RYR1: variants seen among roughly 807,000 people sequenced by gnomAD.
RYR1 encodes ryanodine receptor 1.
Under a neutral mutation model 583.5 loss-of-function variants are expected in RYR1, and 342 were observed. The ratio of observed to expected loss-of-function variants is 0.59; its 90% confidence interval spans 0.54 to 0.64. The LOEUF is 0.64. RYR1 is among the 30% of genes least tolerant of loss of function. The pLI, the probability that RYR1 is intolerant of heterozygous loss-of-function variation, is 0.00. For missense variants in RYR1, 6,032 were observed against 6,917.2 expected (o/e 0.87, Z 4.54); for synonymous variants, 2,791 against 2,822.5 (o/e 0.99, Z 0.35).
Position 38,448,408 on chromosome 19 carries a change from C to T in RYR1, c.854C>T (p.Thr285Ile). The change falls in exon 10 of 106, where the codon ACT (threonine) becomes ATT (isoleucine). Residue 285 changes from threonine (T) to isoleucine (I), a missense_variant. Transcript: ENST00000359596. The stretch of plus-strand genomic sequence containing the variant: ...CAGCCACTCCGAGTCCGGCATGTCA[C>T]TACCGGGCAGTACCTAGCGCTCACC... ...WGQPLRVRHVTTGQYLALTED... is the reference protein window; with the variant it reads ...WGQPLRVRHVITGQYLALTED... 1.2e-6 allele frequency: 2 copies of T among 1,613,108 alleles called. No homozygotes were observed. The highest frequency in any genetic ancestry group is 1.3e-5 in the African/African-American group (1 of 75,068).
intron 78 of RYR1, 135 bp downstream of exon 78, chr19:38,532,871 C>T (rs1971804238): frequency 1.2e-6 from 1 of 839,142 alleles, no homozygotes; most frequent in Admixed American, 2.1e-5. Context: ...ACTGGGGAGA[C>T]AGATACACCC....
intron 89 of RYR1, among the ~76,000 whole-genome samples, chr19:38,560,489 G>T (rs898115947): frequency 6.6e-6 from 1 of 152,108 alleles, no homozygotes; most frequent in Non-Finnish European, 1.5e-5. Flanking sequence ...TGCACTTTGG[G>T]AGGCCGAGGC....
Position 38,543,761 on chromosome 19 carries a change from T to C in RYR1, c.11908-10T>C. 1 of 1,612,554 alleles carries C rather than the reference T, an allele frequency of 6.2e-7. No homozygotes were observed. Among genetic ancestry groups the C allele is most frequent in the Non-Finnish European group, 8.5e-7 (1 of 1,180,002 alleles). On this transcript the variant is annotated splice_polypyrimidine_tract_variant and intron_variant, in intron 86 of 105. Coordinates refer to ENST00000359596, the MANE Select transcript of RYR1 (RefSeq NM_000540.3). This position sits in a 1 kb window ranked among gnomAD's most constrained non-coding sequence, Gnocchi z 4.4. The stretch of plus-strand genomic sequence containing the variant: ...TTCCCTTCCCCCCCACACGGCACTC[T>C]GCCTCCCAGGGTCCCTGCACCGGGA...
Position 38,561,337 on chromosome 19 carries a change from C to T in RYR1, c.12507C>T (p.Ile4169=), listed in dbSNP as rs747307874. The change falls in exon 90 of 106, where the codon ATC becomes ATT. Residue 4169 remains isoleucine, a synonymous_variant. Transcript: ENST00000359596. The surrounding 1 kb of genome is among the most constrained non-coding windows in gnomAD (Gnocchi z 4.8). ...LHNFLELAES[I]LEYFRPYLGR... ...ACTTCCTGGAGCTGGCCGAGAGCAT[C>T]CTTGAGTACTTCCGCCCCTACCTGG... 4 of 1,613,912 alleles carry T rather than the reference C, an allele frequency of 2.5e-6. No homozygotes were observed. The highest frequency in any genetic ancestry group is 1.7e-5 in the Admixed American group (1 of 60,004).
In RYR1 at chr19:38,523,930, G is replaced by T; in HGVS notation, c.10455+1G>T. 2 of 1,613,920 alleles carry T rather than the reference G, an allele frequency of 1.2e-6. No homozygotes were observed. Among genetic ancestry groups the T allele is most frequent in the South Asian group, 1.1e-5 (1 of 91,070 alleles). On this transcript the variant is annotated splice_donor_variant, in intron 70 of 105. Transcript: ENST00000359596. LOFTEE classifies it high-confidence loss of function. ...GGTGAAGCAGGCGGGAGATATACAG[G>T]TCAGCCCCACATCTGGGACCTTCCG...
intron 96 of RYR1, 146 bp downstream of exon 96, chr19:38,573,453 G>A (rs932029234): frequency 3.1e-5 from 32 of 1,046,946 alleles, no homozygotes; most frequent in African/African-American, 2.7e-4. Context: ...AGGCTAAGGC[G>A]GGCGGATCAC....
At position 38,503,072 on chromosome 19, in the gene RYR1, A is replaced by G. The variant is rs1600838813; in HGVS notation, c.7926+102A>G. The G allele has an allele frequency of 3.6e-6, 4 of 1,123,432 alleles. No individual in the cohort carries two copies. The East Asian group carries it at 9.8e-5, about 27-fold the overall frequency. The allele number at this position is 1,123,432 out of a possible 1,614,324, so 69.6% of individuals were successfully genotyped here. On this transcript the variant is annotated intron_variant, in intron 49 of 105. Coordinates refer to ENST00000359596, the MANE Select transcript of RYR1 (RefSeq NM_000540.3). ...CATTTGTGTCGGCACTGCCCAGCCC[A>G]ATAAACCTGCACTAGTTAGGGCAGC...
At chr19:38,551,490 C>T (rs2145800442) in intron 89 of RYR1, among the ~76,000 whole-genome samples, 3 of 152,188 alleles carry the variant, frequency 2.0e-5, no homozygotes, top group Admixed American at 2.0e-4. Context: ...CCAGTTGTCC[C>T]CCAAGAGCCT....
At position 38,444,130 on chromosome 19, in the gene RYR1, A is replaced by C; in HGVS notation, c.425-19A>C. On this transcript the variant is annotated intron_variant, in intron 5 of 105. Coordinates refer to ENST00000359596, the MANE Select transcript of RYR1 (RefSeq NM_000540.3). The surrounding 1 kb of genome is among the most constrained non-coding windows in gnomAD (Gnocchi z 5.1). ...AAGCCATCATCTGACAGCCACCCCC[A>C]TTCCATCCCCACCCATAGGAGAGGC... is the stretch of plus-strand genomic sequence containing the variant. The C allele has an allele frequency of 6.2e-7, 1 of 1,604,708 alleles. No homozygotes were observed. The highest frequency in any genetic ancestry group is 8.5e-7 in the Non-Finnish European group (1 of 1,171,530).
chr19:38,441,385 G>T (rs1972675054), intron 2 of RYR1, among the ~76,000 whole-genome samples: 1 of 151,028 alleles, frequency 6.6e-6, no homozygotes, highest in Non-Finnish European at 1.5e-5. Context: ...GTGTTTTAGG[G>T]GGAAGGAGGC....
chr19:38,488,975 G>A (rs1043998294), intron 34 of RYR1, among the ~76,000 whole-genome samples: 2 of 152,172 alleles, frequency 1.3e-5, no homozygotes, highest in Non-Finnish European at 2.9e-5. Context: ...TGTGTGGGTG[G>A]GACACAGGGT....
rs780747452 is a variant in RYR1 at position 38,586,230 on chromosome 19, A to T, written c.14969+39A>T. The T allele has an allele frequency of 1.9e-6, 3 of 1,569,342 alleles. 1 individual carries two copies. In the South Asian group the frequency reaches 3.3e-5, roughly 18 times the overall value. Reference sequence around the variant, plus strand: ...CTGGCCAGTCAGGAGGGTGGGGGGCATGGCTGCCAATAGCCAGCAGTGGGG... The same window carrying T: ...CTGGCCAGTCAGGAGGGTGGGGGGCTTGGCTGCCAATAGCCAGCAGTGGGG... On this transcript the variant is annotated intron_variant, in intron 104 of 105. Coordinates refer to ENST00000359596, the MANE Select transcript of RYR1 (RefSeq NM_000540.3).
Position 38,492,587 on chromosome 19 carries a change from G to A in RYR1, c.6225G>A (p.Lys2075=). The A allele has an allele frequency of 6.3e-7, 1 of 1,597,726 alleles. No homozygotes were observed. The highest frequency in any genetic ancestry group is 8.5e-7 in the Non-Finnish European group (1 of 1,169,898). The change falls in exon 38 of 106, where the codon AAG becomes AAA. Residue 2075 remains lysine (K), a synonymous_variant. Coordinates refer to ENST00000359596, the MANE Select transcript of RYR1 (RefSeq NM_000540.3). ...TGGAGAAAGTGCGGCTGGTGAAGAA[G>A]AAGGAAGAGAAACCTGAGGAGGAGC... is the stretch of plus-strand genomic sequence containing the variant. ...SLLEKVRLVK[K]KEEKPEEERS...
Position 38,571,949 on chromosome 19 carries a change from T to C in RYR1, c.13747-70T>C, listed in dbSNP as rs1475615611. ...TATGGTCCCAGTCCAATCTCGGGAATGGAGGCTCAATTTTGTGAGTGGGCT... is the reference window on the plus strand; with the variant it reads ...TATGGTCCCAGTCCAATCTCGGGAACGGAGGCTCAATTTTGTGAGTGGGCT... On this transcript the variant is annotated intron_variant, in intron 94 of 105. Coordinates refer to ENST00000359596, the MANE Select transcript of RYR1 (RefSeq NM_000540.3). The C allele has an allele frequency of 4.3e-6, 7 of 1,609,850 alleles. No individual in the cohort carries two copies. The Admixed American group carries it at 5.0e-5, about 12-fold the overall frequency.
intron 89 of RYR1, among the ~76,000 whole-genome samples, chr19:38,553,882 T>C (rs1169393230): frequency 6.6e-6 from 1 of 152,238 alleles, no homozygotes; most frequent in Non-Finnish European, 1.5e-5. Flanking sequence ...TAACATATTC[T>C]GGAGATATAG....
intron 1 of RYR1, among the ~76,000 whole-genome samples, chr19:38,439,261 G>A (rs1191475863): frequency 6.6e-6 from 1 of 151,798 alleles, no homozygotes; most frequent in East Asian, 1.9e-4. Flanking sequence ...CCAGACTGGA[G>A]TGCAATCTGG....
intron 34 of RYR1, 127 bp downstream of exon 34, chr19:38,486,329 C>G (rs1310530193): frequency 8.7e-7 from 1 of 1,143,462 alleles, no homozygotes; most frequent in Non-Finnish European, 1.3e-6. Flanking sequence ...CTCTATACAT[C>G]CATCCACCTT....
chr19:38,523,157 C>G, intron 68 of RYR1, 42 bp downstream of exon 68: 1 of 1,613,632 alleles, frequency 6.2e-7, no homozygotes, highest in Non-Finnish European at 8.5e-7. Flanking sequence ...ACCAGAGGAG[C>G]CGCAGCCCAC....
chr19:38,500,142 G>A lies in RYR1; in HGVS notation c.7323+126G>A. 1 of 858,428 alleles carries A rather than the reference G, an allele frequency of 1.2e-6. No individual in the cohort carries two copies. Among genetic ancestry groups the A allele is most frequent in the East Asian group, 2.6e-5 (1 of 38,002 alleles). 53.2% of individuals were successfully genotyped at this position (858,428 alleles called of 1,614,324 possible). On this transcript the variant is annotated intron_variant, in intron 45 of 105. Transcript: ENST00000359596. The surrounding 1 kb of genome is among the most constrained non-coding windows in gnomAD (Gnocchi z 5.9). Reference sequence around the variant, plus strand: ...TGGGTGGTCCTGGACTAGCAATGTTGGGGACACAACAGTGACCAAGACAGC... The same window carrying A: ...TGGGTGGTCCTGGACTAGCAATGTTAGGGACACAACAGTGACCAAGACAGC...
Sources: allele counts gnomAD v4.1 joint callset (sites outside exome capture counted in the v4.1 genomes callset), GRCh38; gene constraint gnomAD v4.1.1; non-coding constraint Gnocchi (gnomAD v3.1); transcripts MANE v1.5; gene names NCBI Gene and HGNC (gene_info 2026-07-23, HGNC 2026-07-21).